The following CNTN5 variants were observed in gnomAD, a reference collection of about 807,000 sequenced individuals.
CNTN5 encodes contactin 5, also known as contactin-5.
CNTN5 carries 77 observed loss-of-function variants against 129.1 expected under a neutral mutation model. That is an observed-to-expected ratio of 0.60 (90% CI 0.50 to 0.72). The LOEUF is 0.72. Among genes scored for constraint, CNTN5 ranks in the 30% least tolerant of loss-of-function variants. CNTN5 has a pLI of 0.00. For missense variants in CNTN5, 1,478 were observed against 1,328.8 expected, an observed-to-expected ratio of 1.11 and a Z score of -1.75; for synonymous variants, 509 against 465.6, an observed-to-expected ratio of 1.09 and a Z score of -1.20.
intron 8 of CNTN5, among the ~76,000 whole-genome samples, chr11:99,972,107 AAAAAT>A (rs1175343375): frequency 7.6e-6 from 1 of 130,756 alleles, no homozygotes; most frequent in African/African-American, 3.2e-5. Context: ...AAAAAAAAAA[AAAAAT>A]TAGCCGGGCG....
At chr11:99,678,967 C>T (rs201519239) in intron 3 of CNTN5, among the ~76,000 whole-genome samples, 12 of 144,462 alleles carry the variant, frequency 8.3e-5, no homozygotes, top group African/African-American at 3.1e-4. Context: ...CTCTCTCTCT[C>T]TATATATATA....
chr11:100,265,340 G>C (rs1289467822), intron 17 of CNTN5, among the ~76,000 whole-genome samples: 4 of 152,066 alleles, frequency 2.6e-5, no homozygotes, highest in African/African-American at 9.7e-5. Context: ...TGTCCACAAG[G>C]TTTGCATGCT....
chr11:100,061,582 G>A (rs1441591258), intron 10 of CNTN5, among the ~76,000 whole-genome samples, 189 bp downstream of exon 10: 2 of 152,168 alleles, frequency 1.3e-5, no homozygotes, highest in Admixed American at 6.5e-5. Context: ...AATTATAAAT[G>A]AATGGGGAAT....
chr11:99,291,689 A>T (rs573523240), intron 1 of CNTN5, among the ~76,000 whole-genome samples: 3 of 152,152 alleles, frequency 2.0e-5, no homozygotes, highest in African/African-American at 7.2e-5. Context: ...TAATAAGAAA[A>T]AGAATTTAGC....
At chr11:99,255,738 A>G (rs951879054) in intron 1 of CNTN5, among the ~76,000 whole-genome samples, 1 of 151,358 alleles carries the variant, frequency 6.6e-6, no homozygotes, top group Non-Finnish European at 1.5e-5. Flanking sequence ...TGGTCATTAT[A>G]ATTTTGTAAT....
intron 3 of CNTN5, among the ~76,000 whole-genome samples, chr11:99,665,538 T>G (rs1453655477): frequency 7.3e-6 from 1 of 136,436 alleles, no homozygotes; most frequent in Non-Finnish European, 1.5e-5. Flanking sequence ...CAGGCTGGAG[T>G]GCAATGGCGT....
intron 1 of CNTN5, among the ~76,000 whole-genome samples, chr11:99,169,481 T>C (rs1861046487): frequency 6.6e-6 from 1 of 151,790 alleles, no homozygotes; most frequent in Non-Finnish European, 1.5e-5. Flanking sequence ...TTAAGAAATA[T>C]GAAGAAGAAA....
chr11:99,510,352 C>T (rs59841410), intron 2 of CNTN5, among the ~76,000 whole-genome samples: 8,805 of 152,198 alleles, frequency 0.058, 264 homozygotes, highest in South Asian at 0.08. Flanking sequence ...TATAAACTGG[C>T]ATAACCTTTC....
chr11:100,112,026 T>G lies in CNTN5; in HGVS notation c.1580+37732T>G, dbSNP rs79067836. 2.2e-4 allele frequency among the ~76,000 whole-genome samples: 33 copies of G among 152,322 alleles called. 1 individual carries two copies. The East Asian group carries it at 6.4e-3, about 29-fold the overall frequency. ...TACTAGTCATGAATCTTCATAAATA[T>G]TCTGACTCTATCCTTTCCAGCACAT... On this transcript the variant is annotated intron_variant, in intron 13 of 24. Transcript: ENST00000524871.
At chr11:99,779,798 A>C (rs1018925078) in intron 3 of CNTN5, among the ~76,000 whole-genome samples, 78 of 152,036 alleles carry the variant, frequency 5.1e-4, no homozygotes, top group African/African-American at 1.8e-3. Flanking sequence ...AATCCCTTGC[A>C]TATAACTAAG....
chr11:99,249,550 A>G (rs1003226121), intron 1 of CNTN5, among the ~76,000 whole-genome samples: 1 of 152,068 alleles, frequency 6.6e-6, no homozygotes, highest in Non-Finnish European at 1.5e-5. Context: ...TAACTCATGT[A>G]ATAAATACAG....
chr11:100,121,734 TAG>T (rs1390526557), intron 13 of CNTN5, among the ~76,000 whole-genome samples: 1 of 152,156 alleles, frequency 6.6e-6, no homozygotes, highest in East Asian at 1.9e-4. Flanking sequence ...GTGAATAAAA[TAG>T]AGAGTCTCTT....
intron 13 of CNTN5, among the ~76,000 whole-genome samples, chr11:100,127,651 CTTTTTTTTTTTT>C (rs66468227): frequency 1.2e-5 from 1 of 81,280 alleles, no homozygotes; most frequent in Admixed American, 1.6e-4. Flanking sequence ...TTCTTTCTTT[CTTTTTTTTTTTT>C]TTTTTTTTTT....
intron 2 of CNTN5, among the ~76,000 whole-genome samples, chr11:99,554,136 A>T (rs3809011): frequency 1.2e-4 from 18 of 151,868 alleles, no homozygotes; most frequent in Non-Finnish European, 2.4e-4. Flanking sequence ...ATTTCATAAC[A>T]CCCCTACATG....
chr11:99,782,135 G>A (rs1373787225), intron 3 of CNTN5, among the ~76,000 whole-genome samples: 4 of 151,288 alleles, frequency 2.6e-5, no homozygotes, highest in South Asian at 2.1e-4. Flanking sequence ...AAAGTCTCAG[G>A]ATAGAAAATC....
intron 3 of CNTN5, among the ~76,000 whole-genome samples, chr11:99,619,180 T>TCAA (rs1950851594): frequency 8.2e-6 from 1 of 121,320 alleles, no homozygotes; most frequent in Admixed American, 1.0e-4. Context: ...GAGTTTTTTG[T>TCAA]TAAAACAAAA....
At chr11:100,342,073 A>C (rs1786447172) in intron 23 of CNTN5, among the ~76,000 whole-genome samples, 1 of 151,834 alleles carries the variant, frequency 6.6e-6, no homozygotes, top group African/African-American at 2.4e-5. Flanking sequence ...AGAAGTTATA[A>C]ATGGAATATT....
chr11:100,186,769 T>G (rs1286667028), intron 13 of CNTN5, among the ~76,000 whole-genome samples: 2 of 152,170 alleles, frequency 1.3e-5, no homozygotes, highest in Non-Finnish European at 2.9e-5. Flanking sequence ...TATATGAAAA[T>G]TCTATAATGT....
chr11:99,643,271 G>A (rs564365068), intron 3 of CNTN5, among the ~76,000 whole-genome samples: 2 of 151,922 alleles, frequency 1.3e-5, no homozygotes, highest in Admixed American at 6.6e-5. Context: ...AAAAATGTAG[G>A]TGTATACGAA....
Sources: gnomAD v4.1 joint callset for allele counts (sites outside exome capture counted in the v4.1 genomes callset) on GRCh38, gnomAD v4.1.1 for gene constraint, MANE v1.5 for transcripts, NCBI Gene and HGNC (gene_info 2026-07-23, HGNC 2026-07-21) for gene names.